KCNMB2: variants seen among roughly 807,000 people sequenced by gnomAD.
KCNMB2 encodes potassium calcium-activated channel subfamily M regulatory beta subunit 2, also known as calcium-activated potassium channel subunit beta-2.
KCNMB2 carries 9 observed loss-of-function variants against 24.5 expected under a neutral mutation model. The observed-to-expected ratio is 0.37, with a 90% CI of 0.22 to 0.64. KCNMB2 has a LOEUF of 0.64. KCNMB2 is among the 30% of genes least tolerant of loss of function. The pLI is 0.63. For missense variants in KCNMB2, 226 were observed against 284.3 expected, an observed-to-expected ratio of 0.79 and a Z score of 1.47; for synonymous variants, 109 against 104.4, an observed-to-expected ratio of 1.04 and a Z score of -0.27.
At chr3:178,661,322 CT>C (rs1355622029) in intron 1 of KCNMB2, among the ~76,000 whole-genome samples, 1 of 152,088 alleles carries the variant, frequency 6.6e-6, no homozygotes, top group African/African-American at 2.4e-5. Context: ...TGAACTCTTC[CT>C]TTTTTATGGC....
chr3:178,774,048 T>C (rs1384712824), intron 1 of KCNMB2, among the ~76,000 whole-genome samples: 2 of 152,180 alleles, frequency 1.3e-5, no homozygotes. Flanking sequence ...AAATTTTTAA[T>C]GGTAGCATCC....
At chr3:178,642,311 T>A (rs1209624537) in intron 1 of KCNMB2, among the ~76,000 whole-genome samples, 1 of 152,174 alleles carries the variant, frequency 6.6e-6, no homozygotes, top group Non-Finnish European at 1.5e-5. Context: ...GGGGTGAAAG[T>A]AGAATGAAGA....
chr3:178,774,046 A>G (rs74284628), intron 1 of KCNMB2, among the ~76,000 whole-genome samples: 21,414 of 152,184 alleles, frequency 0.14, 1,840 homozygotes, highest in Admixed American at 0.18. Context: ...TGAAATTTTT[A>G]ATGGTAGCAT....
chr3:178,835,807 GA>G (rs1483731780), intron 4 of KCNMB2, among the ~76,000 whole-genome samples: 7 of 152,058 alleles, frequency 4.6e-5, no homozygotes, highest in Non-Finnish European at 5.9e-5. Context: ...CCACCTCTAT[GA>G]TGGTACAGTC....
At chr3:178,692,225 T>G (rs1403697304) in intron 1 of KCNMB2, among the ~76,000 whole-genome samples, 2 of 152,260 alleles carry the variant, frequency 1.3e-5, no homozygotes, top group East Asian at 3.8e-4. Context: ...TTTCTTTTGC[T>G]GTACAGAAGC....
chr3:178,811,259 G>A (rs545125906), intron 2 of KCNMB2, among the ~76,000 whole-genome samples: 1 of 152,092 alleles, frequency 6.6e-6, no homozygotes, highest in Non-Finnish European at 1.5e-5. Flanking sequence ...CCATCATTCA[G>A]TTTAAAAAAC....
In KCNMB2 at chr3:178,801,002, T is replaced by C. The variant is rs537230951; in HGVS notation, c.-67-6341T>C. On this transcript the variant is annotated intron_variant, in intron 1 of 4. Coordinates refer to ENST00000452583, the MANE Select transcript of KCNMB2 (RefSeq NM_181361.3). ...CAATTGAACTCATGGAGATAGAAAGTAGAAGGATGGTTACCAGAGGCTGGG... is the reference window on the plus strand; with the variant it reads ...CAATTGAACTCATGGAGATAGAAAGCAGAAGGATGGTTACCAGAGGCTGGG... Among the ~76,000 whole-genome samples the C allele has an allele frequency of 3.8e-4, 58 of 151,966 alleles. 1 individual carries two copies. The South Asian group carries it at 7.7e-3, about 20-fold the overall frequency.
At chr3:178,559,891 T>C (rs1274280993) in intron 1 of KCNMB2, among the ~76,000 whole-genome samples, 2 of 148,848 alleles carry the variant, frequency 1.3e-5, no homozygotes, top group Non-Finnish European at 3.0e-5. Context: ...TCATTTTCCT[T>C]GCCCATATTT....
rs199536444 is a variant in KCNMB2 at position 178,758,509 on chromosome 3, T to TACATAC, written c.-67-48833_-67-48832insCATACA. 6.1e-5 allele frequency among the ~76,000 whole-genome samples: 2 copies of TACATAC among 32,812 alleles called. 1 individual carries two copies. Among genetic ancestry groups the TACATAC allele is most frequent in the African/African-American group, 3.4e-4 (2 of 5,966 alleles). 21.5% of individuals were successfully genotyped at this position (32,812 alleles called of 152,430 possible). A position where few individuals can be genotyped will look rare whatever the true frequency, so the allele number is the denominator to read the frequency against. On this transcript the variant is annotated intron_variant, in intron 1 of 4. Transcript: ENST00000452583. ...GAGGTGATTGATATATATATATATA[T>TACATAC]ATCTCCAAGAGGAGATGTATATATA...
In KCNMB2 at chr3:178,617,890, A is replaced by T. The variant is rs1182411892; in HGVS notation, c.-68+81179A>T. On this transcript the variant is annotated intron_variant, in intron 1 of 4. Transcript: ENST00000452583. ...TGGGTGACAGAGCAAGACTCTGTCT[A>T]AAAAAAAAAAAAAAAAAAAAACCCA... 7.4e-4 allele frequency among the ~76,000 whole-genome samples: 31 copies of T among 41,768 alleles called. No individual in the cohort carries two copies. In the South Asian group the frequency reaches 0.011, roughly 15 times the overall value. 27.4% of individuals were successfully genotyped at this position (41,768 alleles called of 152,430 possible).
chr3:178,624,554 T>C (rs561940799), intron 1 of KCNMB2, among the ~76,000 whole-genome samples: 1 of 151,880 alleles, frequency 6.6e-6, no homozygotes, highest in Admixed American at 6.6e-5. Flanking sequence ...AATTGGGGGC[T>C]TTTAGAAAGA....
chr3:178,806,410 G>C (rs1713970518), intron 1 of KCNMB2, among the ~76,000 whole-genome samples: 1 of 152,110 alleles, frequency 6.6e-6, no homozygotes, highest in East Asian at 1.9e-4. Context: ...ATGGTATATA[G>C]TAGCTAATGT....
intron 1 of KCNMB2, among the ~76,000 whole-genome samples, chr3:178,705,348 C>T (rs1722242612): frequency 6.6e-6 from 1 of 152,100 alleles, no homozygotes; most frequent in Admixed American, 6.6e-5. Context: ...AACCATGCTG[C>T]CACTGTGCAG....
At chr3:178,574,531 C>A (rs1294363723) in intron 1 of KCNMB2, among the ~76,000 whole-genome samples, 1 of 152,182 alleles carries the variant, frequency 6.6e-6, no homozygotes, top group Non-Finnish European at 1.5e-5. Flanking sequence ...GCTTTTGCTG[C>A]AAATTCCTAA....
At chr3:178,629,158 A>T in intron 1 of KCNMB2, among the ~76,000 whole-genome samples, 1 of 151,080 alleles carries the variant, frequency 6.6e-6, no homozygotes, top group Admixed American at 6.6e-5. Context: ...CTATTCTTTC[A>T]CTCCTTCCTG....
chr3:178,650,200 C>A (rs1350757367), intron 1 of KCNMB2, among the ~76,000 whole-genome samples: 1 of 152,136 alleles, frequency 6.6e-6, no homozygotes, highest in Non-Finnish European at 1.5e-5. Context: ...GCACTGTGGT[C>A]TGAGAGACTG....
intron 1 of KCNMB2, among the ~76,000 whole-genome samples, chr3:178,551,573 G>A (rs1311822185): frequency 6.6e-6 from 1 of 152,126 alleles, no homozygotes; most frequent in Non-Finnish European, 1.5e-5. Flanking sequence ...TTATTCTAAG[G>A]GGGCCACTGC....
intron 1 of KCNMB2, among the ~76,000 whole-genome samples, chr3:178,609,642 G>T (rs117855138): frequency 1.0e-4 from 15 of 150,654 alleles, no homozygotes; most frequent in Non-Finnish European, 2.2e-4. Context: ...AGTCTATTTC[G>T]ATTTTTTTTT....
intron 1 of KCNMB2, among the ~76,000 whole-genome samples, chr3:178,736,139 CT>C (rs1723309379): frequency 6.6e-6 from 1 of 152,176 alleles, no homozygotes; most frequent in African/African-American, 2.4e-5. Context: ...CCCCTGGACG[CT>C]GAATAAATGT....
Sources: allele counts gnomAD v4.1 joint callset (sites outside exome capture counted in the v4.1 genomes callset), GRCh38; gene constraint gnomAD v4.1.1; transcripts MANE v1.5; gene names NCBI Gene and HGNC (gene_info 2026-07-23, HGNC 2026-07-21).